RAB27B: variants seen among roughly 807,000 people sequenced by gnomAD.
RAB27B encodes ras-related protein Rab-27B.
In RAB27B, 15 loss-of-function variants were observed where a neutral mutation model predicts 24.6. That is an observed-to-expected ratio of 0.61 (90% CI 0.41 to 0.94). The LOEUF (loss-of-function observed/expected upper bound fraction) is 0.94. Among genes scored for constraint, RAB27B ranks in the 40% least tolerant of loss-of-function variants. RAB27B has a pLI of 0.00. For missense variants in RAB27B, 261 were observed against 266.8 expected (o/e 0.98, Z 0.15); for synonymous variants, 105 against 92.5 (o/e 1.14, Z -0.78).
intron 2 of RAB27B, among the ~76,000 whole-genome samples, chr18:54,786,925 T>G (rs191213646): frequency 6.6e-6 from 1 of 152,376 alleles, no homozygotes; most frequent in East Asian, 1.9e-4. Context: ...TCACTCTGCA[T>G]GAGCAGACAT....
intron 1 of RAB27B, among the ~76,000 whole-genome samples, chr18:54,859,059 A>G (rs777438392): frequency 1.2e-4 from 19 of 152,158 alleles, no homozygotes; most frequent in Non-Finnish European, 2.1e-4. Flanking sequence ...GGAAATTGCC[A>G]TATTTTTTCC....
At chr18:54,873,796 G>T (rs1912581309) in intron 1 of RAB27B, among the ~76,000 whole-genome samples, 1 of 150,844 alleles carries the variant, frequency 6.6e-6, no homozygotes, top group African/African-American at 2.4e-5. Flanking sequence ...TAAAAAATAA[G>T]AAATAAAATT....
chr18:54,877,761 A>G (rs745532189), intron 2 of RAB27B, 23 bp downstream of exon 2: 1 of 1,559,502 alleles, frequency 6.4e-7, no homozygotes, highest in Non-Finnish European at 8.6e-7. Flanking sequence ...TCGTACTTCT[A>G]ACCTTGTCAC....
chr18:54,849,524 G>A (rs968710765), intron 1 of RAB27B, among the ~76,000 whole-genome samples: 3 of 152,120 alleles, frequency 2.0e-5, no homozygotes, highest in African/African-American at 7.2e-5. Context: ...TTCGAGACCA[G>A]CCTGCCCAAC....
chr18:54,862,401 G>C (rs73487392), intron 1 of RAB27B, among the ~76,000 whole-genome samples: 2 of 152,114 alleles, frequency 1.3e-5, no homozygotes, highest in African/African-American at 4.8e-5. Flanking sequence ...CATCAGTAAG[G>C]AGAAATCACT....
At chr18:54,842,546 A>C (rs867856894) in intron 1 of RAB27B, among the ~76,000 whole-genome samples, 2 of 152,256 alleles carry the variant, frequency 1.3e-5, no homozygotes, top group Admixed American at 1.3e-4. Context: ...ATATCAAGAA[A>C]GATAAACAAG....
chr18:54,810,826 C>T (rs1362834279), intron 2 of RAB27B, among the ~76,000 whole-genome samples: 2 of 146,000 alleles, frequency 1.4e-5, no homozygotes, highest in Non-Finnish European at 3.0e-5. Flanking sequence ...GAGCAAGACC[C>T]TGTCTCAAAA....
At chr18:54,882,913 G>T (rs751857040) in intron 3 of RAB27B, among the ~76,000 whole-genome samples, 17 of 152,120 alleles carry the variant, frequency 1.1e-4, no homozygotes, top group Non-Finnish European at 1.0e-4. Flanking sequence ...TAGGAGTAGG[G>T]TCCCAAACAA....
chr18:54,868,244 G>A (rs2145252642), intron 1 of RAB27B, among the ~76,000 whole-genome samples: 2 of 152,234 alleles, frequency 1.3e-5, no homozygotes, highest in Non-Finnish European at 2.9e-5. Flanking sequence ...AGGAACCTTG[G>A]CTGTGTCATT....
At chr18:54,774,029 C>A (rs1187144839) in intron 2 of RAB27B, among the ~76,000 whole-genome samples, 3 of 152,156 alleles carry the variant, frequency 2.0e-5, no homozygotes, top group Admixed American at 2.0e-4. Flanking sequence ...TAACTAAATA[C>A]AACTTCTATT....
intron 1 of RAB27B, among the ~76,000 whole-genome samples, chr18:54,870,362 A>G (rs1248524214): frequency 6.6e-6 from 1 of 152,150 alleles, no homozygotes; most frequent in East Asian, 1.9e-4. Flanking sequence ...AGAAAGTGCA[A>G]TTGACAAATT....
chr18:54,748,067 A>G (rs928092985), intron 2 of RAB27B, among the ~76,000 whole-genome samples: 6 of 152,136 alleles, frequency 3.9e-5, no homozygotes, highest in African/African-American at 1.4e-4. Context: ...AGATGGTGCC[A>G]CTGCACTCCA....
intron 4 of RAB27B, among the ~76,000 whole-genome samples, chr18:54,885,628 C>T (rs1913103336): frequency 6.9e-6 from 1 of 145,862 alleles, no homozygotes; most frequent in African/African-American, 2.8e-5. Flanking sequence ...GTACTCATCA[C>T]TCTGTATCCC....
At chr18:54,829,075 C>A (rs1291015441) in intron 1 of RAB27B, among the ~76,000 whole-genome samples, 1 of 152,206 alleles carries the variant, frequency 6.6e-6, no homozygotes, top group East Asian at 1.9e-4. Context: ...ATGATGTGCT[C>A]AGAGTTTCAT....
intron 1 of RAB27B, among the ~76,000 whole-genome samples, chr18:54,840,897 C>G (rs1911081955): frequency 6.6e-6 from 1 of 152,036 alleles, no homozygotes; most frequent in Non-Finnish European, 1.5e-5. Context: ...GCCTGTAATC[C>G]CAGCACTTTG....
At chr18:54,763,847 C>T (rs535754872) in intron 2 of RAB27B, among the ~76,000 whole-genome samples, 22 of 152,072 alleles carry the variant, frequency 1.4e-4, no homozygotes, top group East Asian at 7.7e-4. Flanking sequence ...AATGGCAAAT[C>T]GGATGAATGA....
At chr18:54,827,728 T>C (rs1910520864), upstream of RAB27B, among the ~76,000 whole-genome samples, 1 of 152,180 alleles carries the variant, frequency 6.6e-6, no homozygotes, top group Non-Finnish European at 1.5e-5. Flanking sequence ...AGTAAATCGG[T>C]TGTTATTATA....
In RAB27B at chr18:54,882,502, G is replaced by C. The variant is rs1482705479; in HGVS notation, c.240-1831G>C. 2.0e-5 allele frequency among the ~76,000 whole-genome samples: 3 copies of C among 152,192 alleles called. No homozygotes were observed. The East Asian group carries it at 5.8e-4, about 29-fold the overall frequency. On this transcript the variant is annotated intron_variant, in intron 3 of 5. Coordinates refer to ENST00000262094, the MANE Select transcript of RAB27B (RefSeq NM_004163.4). ...AAGACATAGGCAGGCCCACCAGGAG[G>C]AGCGCATAGCCCACATGCAGTGTTG...
intron 2 of RAB27B, among the ~76,000 whole-genome samples, chr18:54,749,008 T>C (rs1174799869): frequency 6.6e-6 from 1 of 150,928 alleles, no homozygotes; most frequent in Non-Finnish European, 1.5e-5. Context: ...GGTTGTCTTA[T>C]TATGCAGGTA....
Sources: gnomAD v4.1 joint callset for allele counts (sites outside exome capture counted in the v4.1 genomes callset) on GRCh38, gnomAD v4.1.1 for gene constraint, MANE v1.5 for transcripts, NCBI Gene and HGNC (gene_info 2026-07-23, HGNC 2026-07-21) for gene names.